The following ELMO1 variants were observed in gnomAD, a reference collection of about 807,000 sequenced individuals.
ELMO1 encodes the protein engulfment and cell motility 1.
In ELMO1, 26 loss-of-function variants were observed where a neutral mutation model predicts 98.9. The ratio of observed to expected loss-of-function variants is 0.26; its 90% CI spans 0.19 to 0.36. The LOEUF (loss-of-function observed/expected upper bound fraction) is 0.36. Ranked by LOEUF, ELMO1 falls within the 10% of genes least tolerant of loss-of-function variation. The pLI, the probability that ELMO1 is intolerant of heterozygous loss-of-function variation, is 1.00. For synonymous variants in ELMO1, 346 were observed against 346.0 expected (o/e 1.00, Z 0.00); for missense variants, 627 against 935.2 (o/e 0.67, Z 4.30).
chr7:37,157,339 T>C (rs1788849362), intron 13 of ELMO1, among the ~76,000 whole-genome samples: 1 of 152,090 alleles, frequency 6.6e-6, no homozygotes, highest in Non-Finnish European at 1.5e-5. Flanking sequence ...GAGAAAGAAA[T>C]AAAGGCTATT....
intron 14 of ELMO1, among the ~76,000 whole-genome samples, chr7:37,101,419 G>A (rs1040740812): frequency 2.0e-5 from 3 of 152,170 alleles, no homozygotes; most frequent in South Asian, 2.1e-4. Flanking sequence ...GAGACAGCTA[G>A]CGCTCAAAAT....
At chr7:37,380,151 C>G (rs1583656112) in intron 1 of ELMO1, among the ~76,000 whole-genome samples, 1 of 152,178 alleles carries the variant, frequency 6.6e-6, no homozygotes, top group South Asian at 2.1e-4. Flanking sequence ...AGATAGAGTA[C>G]CTTCAGTCCA....
At chr7:37,209,718 G>A (rs917460811) in intron 13 of ELMO1, among the ~76,000 whole-genome samples, 49 of 152,088 alleles carry the variant, frequency 3.2e-4, no homozygotes, top group South Asian at 2.1e-4. Context: ...AGTCCCATCC[G>A]CCTTCCCTGG....
At chr7:36,881,022 C>T (rs909990082) in intron 18 of ELMO1, among the ~76,000 whole-genome samples, 2 of 151,996 alleles carry the variant, frequency 1.3e-5, no homozygotes, top group Non-Finnish European at 2.9e-5. Context: ...ACAAGTTTCT[C>T]TTCTTCTGTC....
intron 14 of ELMO1, among the ~76,000 whole-genome samples, chr7:37,103,709 A>C (rs1420187158): frequency 6.6e-6 from 1 of 152,230 alleles, no homozygotes; most frequent in South Asian, 2.1e-4. Context: ...ATAAAAGAGC[A>C]GAGAAGGCTG....
At chr7:36,973,708 C>T (rs1017476031) in intron 16 of ELMO1, among the ~76,000 whole-genome samples, 2 of 152,198 alleles carry the variant, frequency 1.3e-5, no homozygotes, top group African/African-American at 4.8e-5. Flanking sequence ...TGGCCAAGGC[C>T]GGAGACAGCT....
chr7:37,259,545 A>G (rs1278001721), intron 5 of ELMO1, among the ~76,000 whole-genome samples, 195 bp from the exon 6 acceptor site: 1 of 152,196 alleles, frequency 6.6e-6, no homozygotes. Context: ...AGGTCTGCTC[A>G]TGTCACAACA....
intron 14 of ELMO1, among the ~76,000 whole-genome samples, chr7:37,120,104 T>G (rs140530918): frequency 2.0e-5 from 3 of 152,192 alleles, no homozygotes; most frequent in African/African-American, 7.2e-5. Flanking sequence ...CTTTGTTGAG[T>G]AGGATTTTAT....
intron 15 of ELMO1, among the ~76,000 whole-genome samples, chr7:37,079,439 T>C (rs988874616): frequency 6.6e-6 from 1 of 152,216 alleles, no homozygotes; most frequent in Non-Finnish European, 1.5e-5. Context: ...GCTGTGGTGA[T>C]GTCAAATGGT....
chr7:36,986,150 A>G (rs1258287238), intron 16 of ELMO1: 3 of 986,516 alleles, frequency 3.0e-6, no homozygotes, highest in Admixed American at 6.1e-5. Flanking sequence ...ATAAGCATGT[A>G]GCTTTGCTTA....
chr7:37,165,010 A>AT (rs1563049003), intron 13 of ELMO1, among the ~76,000 whole-genome samples: 1 of 151,878 alleles, frequency 6.6e-6, no homozygotes, highest in East Asian at 1.9e-4. Flanking sequence ...CTTTTATTTC[A>AT]TTGAGCAGTG....
intron 16 of ELMO1, among the ~76,000 whole-genome samples, chr7:36,983,720 T>C (rs563266060): frequency 2.0e-5 from 3 of 152,186 alleles, no homozygotes; most frequent in Non-Finnish European, 4.4e-5. Context: ...CAGATTGAGA[T>C]GGGGCTGCAG....
At chr7:37,219,776 T>C (rs990963934) in intron 10 of ELMO1, among the ~76,000 whole-genome samples, 6 of 152,204 alleles carry the variant, frequency 3.9e-5, no homozygotes, top group African/African-American at 1.4e-4. Flanking sequence ...TTTCCTTACT[T>C]ATAAAACAGA....
At chr7:37,402,511 G>A (rs553474982) in intron 1 of ELMO1, among the ~76,000 whole-genome samples, 50 of 152,236 alleles carry the variant, frequency 3.3e-4, no homozygotes, top group Non-Finnish European at 6.0e-4. Flanking sequence ...CTTGATGCCT[G>A]GTGCTACAGC....
At chr7:37,283,174 C>G (rs1797227356) in intron 4 of ELMO1, among the ~76,000 whole-genome samples, 1 of 152,128 alleles carries the variant, frequency 6.6e-6, no homozygotes, top group Non-Finnish European at 1.5e-5. Flanking sequence ...ACAGAAGGAG[C>G]CTGTCTGTCT....
intron 13 of ELMO1, among the ~76,000 whole-genome samples, chr7:37,141,523 C>A (rs1229013177): frequency 6.0e-5 from 9 of 151,078 alleles, no homozygotes; most frequent in Non-Finnish European, 1.2e-4. Context: ...TGAAATAAAC[C>A]AAAAAAAACT....
At chr7:36,918,179 A>T (rs909063356) in intron 16 of ELMO1, among the ~76,000 whole-genome samples, 1 of 152,160 alleles carries the variant, frequency 6.6e-6, no homozygotes, top group East Asian at 1.9e-4. Context: ...TTAGGGTGAC[A>T]ATAAGCTATG....
intron 16 of ELMO1, among the ~76,000 whole-genome samples, chr7:36,918,027 CAA>C: frequency 6.6e-6 from 1 of 151,862 alleles, no homozygotes; most frequent in East Asian, 1.9e-4. Context: ...CAAACACACA[CAA>C]AAATAATATA....
chr7:37,018,789 TA>T (rs1186930029), intron 15 of ELMO1, among the ~76,000 whole-genome samples: 1 of 152,170 alleles, frequency 6.6e-6, no homozygotes, highest in Non-Finnish European at 1.5e-5. Context: ...TTACTATTTG[TA>T]ATCAAGTACA....
Sources: allele counts gnomAD v4.1 joint callset (sites outside exome capture counted in the v4.1 genomes callset), GRCh38; gene constraint gnomAD v4.1.1; transcripts MANE v1.5; gene names NCBI Gene and HGNC (gene_info 2026-07-23, HGNC 2026-07-21).